The following ARB2A variants were observed in gnomAD, a reference collection of about 807,000 sequenced individuals.
The protein encoded by ARB2A is ARB2 cotranscriptional regulator A, also known as cotranscriptional regulator ARB2A.
At chr5:93,891,081 T>C in the ARB2A span, among the ~76,000 whole-genome samples, 2 of 151,726 alleles carry the variant, frequency 1.3e-5, no homozygotes, top group African/African-American at 2.4e-5. Context: ...AGAGAGTGAG[T>C]TTTTCTTCAG....
the ARB2A span, among the ~76,000 whole-genome samples, chr5:93,899,268 A>G: frequency 6.6e-6 from 1 of 152,136 alleles, no homozygotes; most frequent in Admixed American, 6.6e-5. Context: ...TCATCTACCT[A>G]CAAACTCTGT....
At chr5:93,765,799 T>C in the ARB2A span, among the ~76,000 whole-genome samples, 4 of 152,276 alleles carry the variant, frequency 2.6e-5, no homozygotes, top group South Asian at 2.1e-4. Context: ...ACTACAAGGC[T>C]ATGGTAACCA....
the ARB2A span, among the ~76,000 whole-genome samples, chr5:93,931,184 C>G: frequency 6.6e-6 from 1 of 152,036 alleles, no homozygotes; most frequent in Non-Finnish European, 1.5e-5. Flanking sequence ...AAGAAAACCC[C>G]ACCGGGCGCA....
chr5:93,688,868 T>C, the ARB2A span, among the ~76,000 whole-genome samples: 1 of 152,184 alleles, frequency 6.6e-6, no homozygotes, highest in Non-Finnish European at 1.5e-5. Flanking sequence ...TCACATCAAA[T>C]GATTTTTTCC....
chr5:94,065,955 C>T, the ARB2A span, among the ~76,000 whole-genome samples: 7 of 152,122 alleles, frequency 4.6e-5, no homozygotes, highest in South Asian at 1.5e-3. Context: ...GGAGCATTCT[C>T]CAGGATAGAC....
the ARB2A span, among the ~76,000 whole-genome samples, chr5:93,969,138 C>A: frequency 6.7e-6 from 1 of 149,354 alleles, no homozygotes; most frequent in African/African-American, 2.5e-5. Flanking sequence ...ACAGGAGAGT[C>A]AGACAAGAAA....
chr5:94,048,051 C>CATT, the ARB2A span, among the ~76,000 whole-genome samples: 1 of 96,078 alleles, frequency 1.0e-5, no homozygotes, highest in African/African-American at 4.0e-5. Flanking sequence ...AATCGGTAAG[C>CATT]TTTTTTTTTT....
At chr5:93,937,343 C>T in the ARB2A span, among the ~76,000 whole-genome samples, 2 of 150,858 alleles carry the variant, frequency 1.3e-5, no homozygotes, top group Non-Finnish European at 3.0e-5. Flanking sequence ...TGGTTCACAC[C>T]TGTAATCCCA....
the ARB2A span, among the ~76,000 whole-genome samples, chr5:94,000,431 T>C: frequency 6.6e-6 from 1 of 152,122 alleles, no homozygotes; most frequent in Non-Finnish European, 1.5e-5. Context: ...GAACATCTTT[T>C]CATATGTTTA....
At chr5:93,699,151 T>C in the ARB2A span, among the ~76,000 whole-genome samples, 4 of 152,256 alleles carry the variant, frequency 2.6e-5, no homozygotes, top group South Asian at 8.3e-4. Flanking sequence ...TGACAATAGA[T>C]ACAGAGATAG....
the ARB2A span, among the ~76,000 whole-genome samples, chr5:94,089,477 C>T: frequency 1.4e-4 from 22 of 151,982 alleles, no homozygotes; most frequent in Admixed American, 2.0e-4. Context: ...ATCTGGATAT[C>T]GATAAATTCG....
At chr5:93,641,417 G>A in the ARB2A span, among the ~76,000 whole-genome samples, 852 of 152,030 alleles carry the variant, frequency 5.6e-3, 8 homozygotes, top group South Asian at 8.5e-3. Flanking sequence ...TCATATTGAT[G>A]GGAAACACCT....
chr5:93,719,175 C>A, the ARB2A span, among the ~76,000 whole-genome samples: 1 of 152,154 alleles, frequency 6.6e-6, no homozygotes, highest in Non-Finnish European at 1.5e-5. Flanking sequence ...AATGTCAAAA[C>A]CTTCATAAAA....
chr5:94,076,373 A>G, the ARB2A span, among the ~76,000 whole-genome samples: 1 of 152,164 alleles, frequency 6.6e-6, no homozygotes. Context: ...TCAAAACTCT[A>G]TAATTTCTAC....
the ARB2A span, among the ~76,000 whole-genome samples, chr5:93,880,100 T>C: frequency 6.6e-6 from 1 of 151,930 alleles, no homozygotes; most frequent in Admixed American, 6.6e-5. Context: ...TTATTGCTTC[T>C]AAATATAATA....
chr5:94,042,886 C>T, the ARB2A span, among the ~76,000 whole-genome samples: 3 of 151,788 alleles, frequency 2.0e-5, no homozygotes, highest in African/African-American at 7.3e-5. Flanking sequence ...TGTAAGATGC[C>T]TATAATTCTG....
the ARB2A span, among the ~76,000 whole-genome samples, chr5:93,943,364 A>G: frequency 1.3e-5 from 2 of 152,098 alleles, no homozygotes; most frequent in Non-Finnish European, 2.9e-5. Context: ...CTATCAAAAA[A>G]AGCATCAAAG....
the ARB2A span, among the ~76,000 whole-genome samples, chr5:93,867,084 T>C: frequency 6.6e-6 from 1 of 152,210 alleles, no homozygotes; most frequent in Non-Finnish European, 1.5e-5. Flanking sequence ...TTACTTTTAA[T>C]AGATTTACTT....
the ARB2A span, among the ~76,000 whole-genome samples, chr5:93,625,092 A>G: frequency 6.6e-6 from 1 of 152,202 alleles, no homozygotes; most frequent in African/African-American, 2.4e-5. Context: ...CCGCATCTGT[A>G]GCTGTCAAAT....
Sources: gnomAD v4.1 joint callset for allele counts (sites outside exome capture counted in the v4.1 genomes callset) on GRCh38, gnomAD v4.1.1 for gene constraint, MANE v1.5 for transcripts, NCBI Gene and HGNC (gene_info 2026-07-23, HGNC 2026-07-21) for gene names.